PKIB: variants seen among roughly 807,000 people sequenced by gnomAD.
PKIB encodes the protein cAMP-dependent protein kinase inhibitor beta.
In PKIB, 2 loss-of-function variants were observed where a neutral mutation model predicts 4.5. The ratio of observed to expected loss-of-function variants is 0.44; its 90% confidence interval spans 0.18 to 1.39. The LOEUF (loss-of-function observed/expected upper bound fraction) is 1.39, where lower values mean the gene tolerates loss of function less well. Among genes scored for constraint, PKIB ranks in the 40% most tolerant of loss-of-function variants. The probability of loss-of-function intolerance (pLI) is 0.27; values close to 1 mark genes in which losing one functional copy is unlikely to be tolerated. For missense variants in PKIB, 94 were observed against 92.6 expected (o/e 1.02, Z -0.06); for synonymous variants, 38 against 36.0 (o/e 1.06, Z -0.20).
chr6:122,679,772 A>G (rs1297885321), intron 3 of PKIB, among the ~76,000 whole-genome samples: 3 of 152,158 alleles, frequency 2.0e-5, no homozygotes, highest in Admixed American at 6.5e-5. Context: ...GGGCTCTTCA[A>G]TATTAACTGG....
intron 4 of PKIB, among the ~76,000 whole-genome samples, chr6:122,723,132 G>A (rs1039490264): frequency 6.6e-6 from 1 of 152,050 alleles, no homozygotes; most frequent in Admixed American, 6.6e-5. Context: ...ATAAATTGGA[G>A]GTTATCAGAA....
intron 2 of PKIB, among the ~76,000 whole-genome samples, chr6:122,653,074 G>A (rs1046446100): frequency 6.6e-6 from 1 of 152,176 alleles, no homozygotes; most frequent in Admixed American, 6.5e-5. Context: ...CTGCTAATAG[G>A]TTTGGAGTTT....
Position 122,520,959 on chromosome 6 carries a change from G to A in PKIB, c.-248+43020G>A, listed in dbSNP as rs541071578. Among the ~76,000 whole-genome samples the A allele has an allele frequency of 5.1e-4, 77 of 152,234 alleles. 3 individuals are homozygous for A. The South Asian group carries it at 0.015, about 29-fold the overall frequency. Reference sequence around the variant, plus strand: ...TGCTTGAAGAAGTGATAGTCAGTTGGCGAGACATCAGGTGAGTATGACGGA... The same window carrying A: ...TGCTTGAAGAAGTGATAGTCAGTTGACGAGACATCAGGTGAGTATGACGGA... On this transcript the variant is annotated intron_variant, in intron 2 of 6. Coordinates refer to the PKIB transcript ENST00000392491.
chr6:122,724,289 C>A (rs993749335), intron 4 of PKIB, among the ~76,000 whole-genome samples: 2 of 152,002 alleles, frequency 1.3e-5, no homozygotes, highest in Non-Finnish European at 2.9e-5. Context: ...TAGAGTCAGC[C>A]TCTTGATGAA....
chr6:122,622,031 G>A (rs749315515), intron 1 of PKIB, among the ~76,000 whole-genome samples: 1 of 152,028 alleles, frequency 6.6e-6, no homozygotes, highest in Non-Finnish European at 1.5e-5. Context: ...TTTGAGTTAG[G>A]GTGTGTGGAA....
intron 1 of PKIB, among the ~76,000 whole-genome samples, chr6:122,627,168 G>C (rs984147011): frequency 6.6e-6 from 1 of 151,390 alleles, no homozygotes; most frequent in South Asian, 2.1e-4. Context: ...GCGTAAACCC[G>C]GGAGGCGGAG....
At chr6:122,686,948 T>C (rs1449055803) in intron 3 of PKIB, among the ~76,000 whole-genome samples, 17 of 152,232 alleles carry the variant, frequency 1.1e-4, no homozygotes, top group Admixed American at 8.5e-4. Context: ...TTTCCTTTCC[T>C]GTGAAGAAGC....
intron 3 of PKIB, among the ~76,000 whole-genome samples, chr6:122,715,522 C>T (rs1049729651): frequency 6.6e-6 from 1 of 151,684 alleles, no homozygotes; most frequent in South Asian, 2.1e-4. Flanking sequence ...TGGGAGGGCT[C>T]ACAAGATAAC....
At chr6:122,497,913 A>G (rs1250880430) in intron 2 of PKIB, among the ~76,000 whole-genome samples, 3 of 152,156 alleles carry the variant, frequency 2.0e-5, no homozygotes, top group African/African-American at 7.2e-5. Flanking sequence ...CAGAATATAC[A>G]TTCTTCTTAT....
rs377469829 is a variant in PKIB at position 122,473,699 on chromosome 6, A to C, written c.-337+1658A>C. On this transcript the variant is annotated intron_variant, in intron 1 of 6. Transcript: ENST00000392491. Reference sequence around the variant, plus strand: ...TGATGACTTTTTCAAATTTCAACCCAAACACAGCTCAAAGCATAGTTTTCT... The same window carrying C: ...TGATGACTTTTTCAAATTTCAACCCCAACACAGCTCAAAGCATAGTTTTCT... 3.0e-3 allele frequency among the ~76,000 whole-genome samples: 451 copies of C among 152,358 alleles called. 2 individuals are homozygous for C. The highest frequency in any genetic ancestry group is 0.011 in the African/African-American group (439 of 41,586).
At chr6:122,567,488 T>C (rs1428759117) in intron 2 of PKIB, among the ~76,000 whole-genome samples, 1 of 152,200 alleles carries the variant, frequency 6.6e-6, no homozygotes, top group Non-Finnish European at 1.5e-5. Context: ...TGAAGCTTCA[T>C]CTCAGAGTCA....
chr6:122,576,774 A>G (rs888631770), intron 2 of PKIB, among the ~76,000 whole-genome samples: 4 of 148,940 alleles, frequency 2.7e-5, no homozygotes, highest in African/African-American at 9.9e-5. Context: ...AAAAGGAACT[A>G]TTTAACATAG....
intron 2 of PKIB, among the ~76,000 whole-genome samples, chr6:122,485,211 T>G (rs1430789258): frequency 1.4e-4 from 19 of 138,178 alleles, no homozygotes; most frequent in South Asian, 4.5e-4. Context: ...AAAAATATTC[T>G]TTTTTTTTTT....
chr6:122,514,611 G>A (rs1776689100), intron 2 of PKIB, among the ~76,000 whole-genome samples: 1 of 152,210 alleles, frequency 6.6e-6, no homozygotes, highest in South Asian at 2.1e-4. Flanking sequence ...AATATAAGAG[G>A]ATAGCTTCAG....
intron 2 of PKIB, among the ~76,000 whole-genome samples, chr6:122,536,980 C>G (rs1276981283): frequency 6.7e-6 from 1 of 149,258 alleles, no homozygotes; most frequent in Non-Finnish European, 1.5e-5. Flanking sequence ...ATCCATATTT[C>G]TAACTTTTCT....
At chr6:122,499,861 A>G (rs1407168100) in intron 2 of PKIB, among the ~76,000 whole-genome samples, 1 of 152,180 alleles carries the variant, frequency 6.6e-6, no homozygotes, top group African/African-American at 2.4e-5. Context: ...GACTTCAGTA[A>G]AGTTTCAGGA....
At chr6:122,497,564 T>A (rs1776111414) in intron 2 of PKIB, among the ~76,000 whole-genome samples, 1 of 151,980 alleles carries the variant, frequency 6.6e-6, no homozygotes, top group Non-Finnish European at 1.5e-5. Context: ...AGATCAGGGG[T>A]CATTATTCTT....
Position 122,642,563 on chromosome 6 carries a change from C to T in PKIB, c.-76+9196C>T, listed in dbSNP as rs376202980. Among the ~76,000 whole-genome samples the T allele has an allele frequency of 2.0e-5, 3 of 152,118 alleles. No individual in the cohort carries two copies. The South Asian group carries it at 6.2e-4, about 32-fold the overall frequency. On this transcript the variant is annotated intron_variant, in intron 2 of 4. Coordinates refer to ENST00000368452, the MANE Select transcript of PKIB (RefSeq NM_181795.3). ...ACATGCCAGGTAAAGCTATTTGCTC[C>T]CTCTTCTCACTCTATCCCATTTGTC...
chr6:122,525,108 A>C (rs1239176569), intron 2 of PKIB, among the ~76,000 whole-genome samples: 1 of 150,946 alleles, frequency 6.6e-6, no homozygotes, highest in African/African-American at 2.4e-5. Context: ...CTCTCTTAGC[A>C]CTGCTTTCAC....
Sources: allele counts gnomAD v4.1 joint callset (sites outside exome capture counted in the v4.1 genomes callset), GRCh38; gene constraint gnomAD v4.1.1; transcripts MANE v1.5; gene names NCBI Gene and HGNC (gene_info 2026-07-23, HGNC 2026-07-21).